SPARCL1: variants seen among roughly 807,000 people sequenced by gnomAD.
The protein encoded by SPARCL1 is SPARC-like protein 1.
In SPARCL1, 52 loss-of-function variants were observed where a neutral mutation model predicts 67.1. That is an observed-to-expected ratio of 0.78 (90% confidence interval 0.62 to 0.98). The LOEUF (loss-of-function observed/expected upper bound fraction) is 0.98. SPARCL1 is among the 50% of genes least tolerant of loss of function. SPARCL1 has a pLI of 0.00. For synonymous variants in SPARCL1, 226 were observed against 267.8 expected (o/e 0.84, Z 1.52); for missense variants, 717 against 782.4 (o/e 0.92, Z 1.00).
chr4:87,521,419 C>G (rs1298729097), intron 1 of SPARCL1, among the ~76,000 whole-genome samples: 3 of 152,174 alleles, frequency 2.0e-5, no homozygotes, highest in Admixed American at 2.0e-4. Context: ...CAGGATTCCT[C>G]TTTCATATTG....
intron 1 of SPARCL1, among the ~76,000 whole-genome samples, chr4:87,505,363 G>A (rs1279329465): frequency 2.6e-5 from 4 of 151,910 alleles, no homozygotes; most frequent in Non-Finnish European, 5.9e-5. Context: ...CATGCTTAAA[G>A]TAAATATGTG....
intron 1 of SPARCL1, among the ~76,000 whole-genome samples, chr4:87,510,688 C>T (rs1265147122): frequency 1.3e-5 from 2 of 152,232 alleles, no homozygotes; most frequent in African/African-American, 2.4e-5. Context: ...ATCTGTGTGA[C>T]CTCATTCCTC....
chr4:87,510,302 A>G (rs1428304772), intron 1 of SPARCL1, among the ~76,000 whole-genome samples: 1 of 152,216 alleles, frequency 6.6e-6, no homozygotes, highest in Non-Finnish European at 1.5e-5. Context: ...CTGTAGGCAT[A>G]CAGGGGCGGG....
chr4:87,506,133 C>T (rs553003725), intron 1 of SPARCL1, among the ~76,000 whole-genome samples: 3 of 152,218 alleles, frequency 2.0e-5, no homozygotes, highest in East Asian at 1.9e-4. Context: ...CCATGGGGGG[C>T]AAAATCGCCC....
Position 87,493,906 on chromosome 4 carries a change from A to T in SPARCL1, c.894T>A (p.Gly298=). 1 of 1,613,830 alleles carries T rather than the reference A, an allele frequency of 6.2e-7. No homozygotes were observed. The highest frequency in any genetic ancestry group is 1.1e-5 in the South Asian group (1 of 91,036). ...TGCTGATAGCTTCTAGGCCAGTTTT[A>T]CCCTCTTGACTCTGCCATTCAGTTT... The part of the protein sequence containing the change: ...IQETEWQSQE[G]KTGLEAISNH... The change falls in exon 4 of 11, where the codon GGT becomes GGA. Residue 298 remains glycine (G), a synonymous_variant. Transcript: ENST00000282470.
chr4:87,482,329 TG>T, intron 8 of SPARCL1, 94 bp downstream of exon 8: 8 of 1,344,362 alleles, frequency 6.0e-6, no homozygotes, highest in Non-Finnish European at 8.2e-6. Flanking sequence ...AGTGGGCTTT[TG>T]CCAGTATGCA....
At chr4:87,509,060 T>C (rs1313000475) in intron 1 of SPARCL1, among the ~76,000 whole-genome samples, 1 of 148,328 alleles carries the variant, frequency 6.7e-6, no homozygotes, top group Non-Finnish European at 1.5e-5. Context: ...TATCTATATA[T>C]GTATATACTA....
chr4:87,494,538 C>G lies in SPARCL1; in HGVS notation c.262G>C (p.Gly88Arg). 6.2e-7 allele frequency: 1 copy of G among 1,614,088 alleles called. No individual in the cohort carries two copies. The highest frequency in any genetic ancestry group is 8.5e-7 in the Non-Finnish European group (1 of 1,180,022). The change falls in exon 4 of 11, where the codon GGC becomes CGC. Residue 88 changes from glycine to arginine, a missense_variant. Gly to Arg is a moderately radical substitution (Grantham distance 125, BLOSUM62 -2). Coordinates refer to ENST00000282470, the MANE Select transcript of SPARCL1 (RefSeq NM_004684.6). The part of the protein sequence containing the change: ...EESHEQSAEQ[G>R]KSSSQELGLK... ...CCCAGCTCTTGGCTAGAACTCTTGC[C>G]CTGTTCTGCTGACTGTTCATGGCTT...
chr4:87,488,579 C>A (rs957984045), intron 7 of SPARCL1, among the ~76,000 whole-genome samples: 2 of 152,184 alleles, frequency 1.3e-5, no homozygotes, highest in Non-Finnish European at 2.9e-5. Context: ...GGTCAGGGAC[C>A]CACTTGAGGA....
chr4:87,476,339 A>G (rs1212694210), intron 10 of SPARCL1, among the ~76,000 whole-genome samples: 2 of 152,206 alleles, frequency 1.3e-5, no homozygotes, highest in Admixed American at 6.5e-5. Context: ...ATATCTTAAA[A>G]TATATCTTGA....
rs200957555 is a variant in SPARCL1, at chr4:87,499,483, G to A, written c.54+38C>T. 8.4e-5 allele frequency: 127 copies of A among 1,514,710 alleles called. 1 individual carries two copies. Among genetic ancestry groups the A allele is most frequent in the Middle Eastern group, 1.7e-4 (1 of 5,878 alleles). 93.8% of individuals were successfully genotyped at this position (1,514,710 alleles called of 1,614,324 possible). On this transcript the variant is annotated intron_variant, in intron 2 of 10. Transcript: ENST00000282470. ...TGGAGGATTTCTGCATTAAATGTCAGGAGAAAGAGATGTAATAACAGAAGA... is the reference window on the plus strand; with the variant it reads ...TGGAGGATTTCTGCATTAAATGTCAAGAGAAAGAGATGTAATAACAGAAGA...
In SPARCL1 at chr4:87,495,062, A is replaced by G; in HGVS notation, c.120T>C (p.Thr40=). 1 of 1,612,874 alleles carries G rather than the reference A, an allele frequency of 6.2e-7. No individual in the cohort carries two copies. Among genetic ancestry groups the G allele is most frequent in the Admixed American group, 1.7e-5 (1 of 59,808 alleles). Residue 40 remains threonine, a synonymous_variant, in exon 3 of 11, where the codon ACT becomes ACC. Transcript: ENST00000282470. The stretch of plus-strand genomic sequence containing the variant: ...CTTCAGCCCTTAAACTGGGGATTGC[A>G]GTGTTGTCAGGTGCTACCGTTTCAG... ...PTAETVAPDN[T]AIPSLRAEAE...
At position 87,524,133 on chromosome 4, in the gene SPARCL1, C is replaced by T. The variant is rs940186772; in HGVS notation, c.-12+4912G>A. On this transcript the variant is annotated intron_variant, in intron 1 of 10. Transcript: ENST00000282470. ...AACACTGGAGGAACTGAAACAGAAA[C>T]GTAATAAAAAGTTAATGAAAGATAA... Among the ~76,000 whole-genome samples the T allele has an allele frequency of 4.6e-5, 7 of 152,204 alleles. No homozygotes were observed. The South Asian group carries it at 6.2e-4, about 14-fold the overall frequency.
chr4:87,492,838 T>C (rs1686924650), intron 4 of SPARCL1, among the ~76,000 whole-genome samples: 1 of 152,176 alleles, frequency 6.6e-6, no homozygotes, highest in African/African-American at 2.4e-5. Flanking sequence ...ATATGCTTCC[T>C]CCCTGCCCCG....
intron 1 of SPARCL1, among the ~76,000 whole-genome samples, chr4:87,526,672 C>T (rs1726058222): frequency 6.6e-6 from 1 of 152,172 alleles, no homozygotes. Context: ...TGCTGTGCTG[C>T]CTCAGAGGCA....
intron 1 of SPARCL1, among the ~76,000 whole-genome samples, chr4:87,502,429 C>T (rs12648592): frequency 0.43 from 66,082 of 152,078 alleles, 15,080 homozygotes; most frequent in East Asian, 0.75. Flanking sequence ...TTCTTCTCCT[C>T]ACCCTTCCCA....
intron 10 of SPARCL1, among the ~76,000 whole-genome samples, chr4:87,475,008 C>T (rs1248950187): frequency 6.6e-6 from 1 of 152,194 alleles, no homozygotes; most frequent in Non-Finnish European, 1.5e-5. Flanking sequence ...TCCCAAAGTG[C>T]TGGGATTACA....
chr4:87,483,386 T>C (rs914071927), intron 7 of SPARCL1, among the ~76,000 whole-genome samples: 7 of 152,220 alleles, frequency 4.6e-5, no homozygotes, highest in Admixed American at 1.3e-4. Context: ...GGTTTCCAGC[T>C]TCATCCATGT....
intron 7 of SPARCL1, among the ~76,000 whole-genome samples, chr4:87,484,611 G>T (rs1723975758): frequency 6.6e-6 from 1 of 152,064 alleles, no homozygotes; most frequent in Non-Finnish European, 1.5e-5. Context: ...TTCTAATTCT[G>T]TGAAGAAAGT....
Sources: allele counts gnomAD v4.1 joint callset (sites outside exome capture counted in the v4.1 genomes callset), GRCh38; gene constraint gnomAD v4.1.1; transcripts MANE v1.5; gene names NCBI Gene and HGNC (gene_info 2026-07-23, HGNC 2026-07-21).